CERS3: variants seen among roughly 807,000 people sequenced by gnomAD.
CERS3 encodes ceramide synthase 3.
A neutral mutation model predicts 50.3 loss-of-function variants in CERS3; 33 were observed. The ratio of observed to expected loss-of-function variants is 0.66; its 90% CI spans 0.50 to 0.88. The LOEUF (loss-of-function observed/expected upper bound fraction) is 0.88, where lower values mean the gene tolerates loss of function less well. Among genes scored for constraint, CERS3 ranks in the 40% least tolerant of loss-of-function variants. CERS3 has a pLI of 0.00. For synonymous variants in CERS3, 176 were observed against 155.2 expected, an observed-to-expected ratio of 1.13 and a Z score of -0.99; for missense variants, 470 against 460.3, an observed-to-expected ratio of 1.02 and a Z score of -0.19.
At chr15:100,473,804 G>A (rs2035041826) in intron 8 of CERS3, among the ~76,000 whole-genome samples, 1 of 152,188 alleles carries the variant, frequency 6.6e-6, no homozygotes, top group South Asian at 2.1e-4. Context: ...TAGGTGGAAT[G>A]AAAACATATG....
At chr15:100,497,996 C>T (rs368770471) in intron 3 of CERS3, among the ~76,000 whole-genome samples, 21 of 150,716 alleles carry the variant, frequency 1.4e-4, no homozygotes, top group African/African-American at 4.6e-4. Flanking sequence ...TGGGTTCAAG[C>T]GATTCTCCTG....
intron 8 of CERS3, among the ~76,000 whole-genome samples, chr15:100,474,921 T>C (rs1252898238): frequency 1.3e-5 from 2 of 152,212 alleles, no homozygotes; most frequent in Non-Finnish European, 2.9e-5. Flanking sequence ...TTTATGTTTC[T>C]GAAGATACAT....
chr15:100,459,188 A>C (rs1168093197), intron 10 of CERS3, among the ~76,000 whole-genome samples: 2 of 152,250 alleles, frequency 1.3e-5, no homozygotes, highest in Non-Finnish European at 2.9e-5. Flanking sequence ...GGCTTCACAG[A>C]AATCCATTTT....
chr15:100,483,787 A>ATTATTATTATT (rs760594142), intron 5 of CERS3, among the ~76,000 whole-genome samples: 29 of 100,022 alleles, frequency 2.9e-4, no homozygotes, highest in African/African-American at 9.2e-4. Flanking sequence ...TATTATTATT[A>ATTATTATTATT]TTTTTTTTTT....
chr15:100,544,432 C>T (rs1453877913), intron 1 of CERS3: 1 of 133,976 alleles, frequency 7.5e-6, no homozygotes, highest in African/African-American at 3.0e-5. Flanking sequence ...TTGACCTGCG[C>T]GGGGTCACGG....
intron 10 of CERS3, among the ~76,000 whole-genome samples, chr15:100,466,832 C>CTCTCTTTTTCTCTCTTTCTCT (rs1555528069): frequency 1.1e-4 from 2 of 18,806 alleles, no homozygotes; most frequent in South Asian, 6.8e-3. Context: ...TCCCTCTCTC[C>CTCTCTTTTTCTCTCTTTCTCT]CTCTCTCCCT....
chr15:100,416,593 A>T (rs1055074240), intron 11 of CERS3, among the ~76,000 whole-genome samples: 2 of 152,182 alleles, frequency 1.3e-5, no homozygotes, highest in African/African-American at 2.4e-5. Context: ...GCATAAGGAG[A>T]AGCAAGGACC....
At chr15:100,465,434 G>C (rs1160850350) in intron 10 of CERS3, among the ~76,000 whole-genome samples, 1 of 152,062 alleles carries the variant, frequency 6.6e-6, no homozygotes, top group Non-Finnish European at 1.5e-5. Flanking sequence ...TTGTGCTGGT[G>C]GCAAGTTCAT....
At chr15:100,502,760 A>G (rs1205059324) in intron 2 of CERS3, among the ~76,000 whole-genome samples, 2 of 152,222 alleles carry the variant, frequency 1.3e-5, no homozygotes, top group African/African-American at 2.4e-5. Flanking sequence ...TAGTCTCGTA[A>G]GCAAGGCAGG....
intron 11 of CERS3, among the ~76,000 whole-genome samples, chr15:100,412,651 C>T (rs1418511178): frequency 2.6e-5 from 4 of 152,086 alleles, no homozygotes; most frequent in Non-Finnish European, 5.9e-5. Flanking sequence ...TGTAGCTGTT[C>T]CACGTATACA....
At chr15:100,505,195 TC>T (rs998604248) in intron 2 of CERS3, among the ~76,000 whole-genome samples, 4 of 152,022 alleles carry the variant, frequency 2.6e-5, no homozygotes, top group Non-Finnish European at 4.4e-5. Flanking sequence ...GAGTTAGGTT[TC>T]CCCCCCAATA....
At chr15:100,468,768 T>C (rs2034866890) in intron 10 of CERS3, among the ~76,000 whole-genome samples, 1 of 152,218 alleles carries the variant, frequency 6.6e-6, no homozygotes, top group Non-Finnish European at 1.5e-5. Context: ...AATATATGCT[T>C]TTCATTGCTG....
rs539971631 is a variant in CERS3 at position 100,494,200 on chromosome 15, T to A, written c.174-3269A>T. 2.1e-5 allele frequency among the ~76,000 whole-genome samples: 3 copies of A among 141,960 alleles called. 1 individual carries two copies. In the East Asian group the frequency reaches 6.4e-4, roughly 30 times the overall value. 93.1% of individuals were successfully genotyped at this position (141,960 alleles called of 152,430 possible). ...TGTCCATTTGTTTGCTTAGTCACCTTTTTTCTTTTCATATATATATATATA... is the reference window on the plus strand; with the variant it reads ...TGTCCATTTGTTTGCTTAGTCACCTATTTTCTTTTCATATATATATATATA... On this transcript the variant is annotated intron_variant, in intron 3 of 11. Transcript: ENST00000679737.
intron 11 of CERS3, among the ~76,000 whole-genome samples, chr15:100,415,970 CT>C (rs2031870797): frequency 6.8e-6 from 1 of 148,012 alleles, no homozygotes. Context: ...AAAAACACCA[CT>C]GGAAAAAAAT....
At chr15:100,531,176 GT>G (rs1202096411), upstream of CERS3, among the ~76,000 whole-genome samples, 2 of 152,198 alleles carry the variant, frequency 1.3e-5, no homozygotes, top group African/African-American at 4.8e-5. Flanking sequence ...TGAAACACAT[GT>G]TATTTGCTGA....
chr15:100,534,037 T>C (rs192512814), intron 1 of CERS3, among the ~76,000 whole-genome samples: 1 of 152,340 alleles, frequency 6.6e-6, no homozygotes, highest in East Asian at 1.9e-4. Flanking sequence ...TGCAGTGCTG[T>C]ATGCAGGCCA....
intron 11 of CERS3, among the ~76,000 whole-genome samples, chr15:100,418,097 C>T (rs920811574): frequency 4.6e-5 from 7 of 151,896 alleles, no homozygotes; most frequent in Non-Finnish European, 8.8e-5. Flanking sequence ...CTTTGACGAG[C>T]TGAGAGAAGA....
intron 1 of CERS3, among the ~76,000 whole-genome samples, chr15:100,543,433 C>T (rs185693165): frequency 6.6e-6 from 1 of 152,150 alleles, no homozygotes; most frequent in African/African-American, 2.4e-5. Context: ...TGAGGGTAAG[C>T]TCAAATATCA....
At chr15:100,471,393 T>A (rs1396037632) in intron 9 of CERS3, among the ~76,000 whole-genome samples, 1 of 152,186 alleles carries the variant, frequency 6.6e-6, no homozygotes, top group East Asian at 1.9e-4. Context: ...GGGAATCATG[T>A]CACATCAGTG....
Sources: gnomAD v4.1 joint callset for allele counts (sites outside exome capture counted in the v4.1 genomes callset) on GRCh38, gnomAD v4.1.1 for gene constraint, MANE v1.5 for transcripts, NCBI Gene and HGNC (gene_info 2026-07-23, HGNC 2026-07-21) for gene names.